SFRP1: variants seen among roughly 807,000 people sequenced by gnomAD.
SFRP1 encodes the protein secreted frizzled related protein 1.
Under a neutral mutation model 25.9 loss-of-function variants are expected in SFRP1, and 9 were observed. That is an observed-to-expected ratio of 0.35 (90% CI 0.21 to 0.61). The LOEUF (loss-of-function observed/expected upper bound fraction) is 0.61. Among genes scored for constraint, SFRP1 ranks in the 20% least tolerant of loss-of-function variants. The pLI, the probability that SFRP1 is intolerant of heterozygous loss-of-function variation, is 0.78. For missense variants in SFRP1, 346 were observed against 418.2 expected (o/e 0.83, Z 1.51); for synonymous variants, 178 against 174.0 (o/e 1.02, Z -0.18).
rs190918947 is a variant in SFRP1 at position 41,293,409 on chromosome 8, G to A, written c.622+10052C>T. On this transcript the variant is annotated intron_variant, in intron 2 of 2. Coordinates refer to ENST00000220772, the MANE Select transcript of SFRP1 (RefSeq NM_003012.5). ...GAATGCGAAGCGAGTTGTTATAACT[G>A]ACAAATGACAAACCAACATTCTCCT... is the stretch of plus-strand genomic sequence containing the variant. Among the ~76,000 whole-genome samples, 14 of 152,350 alleles carry A rather than the reference G, an allele frequency of 9.2e-5. No individual in the cohort carries two copies. The East Asian group carries it at 2.7e-3, about 29-fold the overall frequency.
intron 1 of SFRP1, among the ~76,000 whole-genome samples, chr8:41,305,268 G>A (rs1210950625): frequency 6.6e-6 from 1 of 152,194 alleles, no homozygotes; most frequent in Non-Finnish European, 1.5e-5. Flanking sequence ...AACATAAAGG[G>A]CACATCTCTG....
intron 2 of SFRP1, among the ~76,000 whole-genome samples, chr8:41,275,900 T>A (rs887544935): frequency 6.6e-6 from 1 of 152,190 alleles, no homozygotes; most frequent in African/African-American, 2.4e-5. Flanking sequence ...GCATTCAGCA[T>A]CACATTTGGC....
Position 41,265,109 on chromosome 8 carries a change from C to A in SFRP1, c.*58G>T. 1 of 716,186 alleles carries A rather than the reference C, an allele frequency of 1.4e-6. No individual in the cohort carries two copies. The highest frequency in any genetic ancestry group is 2.3e-6 in the Non-Finnish European group (1 of 427,464). The allele number at this position is 716,186 out of a possible 1,614,324, so 44.4% of individuals were successfully genotyped here. A position where few individuals can be genotyped will look rare whatever the true frequency, so the allele number is the denominator to read the frequency against. ...TGTGACCCACCGGGTTCCCGGGGCA[C>A]TGTCCCCCCCGCTCCCACCCCACCC... is the stretch of plus-strand genomic sequence containing the variant. On this transcript the variant is annotated 3_prime_UTR_variant, in exon 3 of 3. Transcript: ENST00000220772.
intron 2 of SFRP1, among the ~76,000 whole-genome samples, chr8:41,266,875 G>A (rs939892035): frequency 6.6e-6 from 1 of 152,190 alleles, no homozygotes; most frequent in Non-Finnish European, 1.5e-5. Context: ...AAAGTTAAAG[G>A]TTGTTTCAAA....
intron 2 of SFRP1, among the ~76,000 whole-genome samples, chr8:41,293,232 C>T (rs945264448): frequency 6.6e-6 from 1 of 152,206 alleles, no homozygotes; most frequent in African/African-American, 2.4e-5. Flanking sequence ...CCAACTGCTG[C>T]ACCACAAGAA....
chr8:41,305,531 T>G (rs531076161), intron 1 of SFRP1, among the ~76,000 whole-genome samples: 3 of 152,314 alleles, frequency 2.0e-5, no homozygotes, highest in South Asian at 4.2e-4. Flanking sequence ...AAGAGAAATG[T>G]GTGATGCGGT....
rs1803388051 is a variant in SFRP1, at chr8:41,262,545, T to C, written c.*2622A>G. ...ATGTTTTTGGAATCCTCACCTCCCA[T>C]GCTATCTTCTAAGATAACTACAAAT... is the stretch of plus-strand genomic sequence containing the variant. On this transcript the variant is annotated 3_prime_UTR_variant, in exon 3 of 3. Transcript: ENST00000220772. 1.3e-5 allele frequency: 2 copies of C among 152,192 alleles called. No individual in the cohort carries two copies. Among genetic ancestry groups the C allele is most frequent in the African/African-American group, 4.8e-5 (2 of 41,448 alleles). 9.4% of individuals were successfully genotyped at this position (152,192 alleles called of 1,614,324 possible). A position where few individuals can be genotyped will look rare whatever the true frequency, so the allele number is the denominator to read the frequency against.
intron 2 of SFRP1, among the ~76,000 whole-genome samples, chr8:41,268,553 C>T (rs1046394570): frequency 6.6e-6 from 1 of 152,166 alleles, no homozygotes; most frequent in Non-Finnish European, 1.5e-5. Flanking sequence ...ATGTGTTACA[C>T]ATTAGACTTT....
chr8:41,298,178 A>C (rs1202082852), intron 2 of SFRP1: 1 of 152,242 alleles, frequency 6.6e-6, no homozygotes, highest in Non-Finnish European at 1.5e-5. Flanking sequence ...TCAGTAGCAC[A>C]CATGGTAAAA....
chr8:41,273,288 G>A (rs536386789), intron 2 of SFRP1, among the ~76,000 whole-genome samples: 7 of 152,170 alleles, frequency 4.6e-5, no homozygotes, highest in East Asian at 1.9e-4. Context: ...TCAGGAGTTC[G>A]AGACCAGCCT....
chr8:41,274,061 C>T (rs1447709088), intron 2 of SFRP1, among the ~76,000 whole-genome samples: 2 of 152,192 alleles, frequency 1.3e-5, no homozygotes, highest in Non-Finnish European at 2.9e-5. Context: ...CCAGTGGCCT[C>T]CTGGGGGCTT....
intron 2 of SFRP1, 36 bp downstream of exon 2, chr8:41,303,425 C>T (rs747342843): frequency 6.4e-7 from 1 of 1,550,964 alleles, no homozygotes; most frequent in Admixed American, 1.7e-5. Flanking sequence ...CAGGAGGTTC[C>T]AAACCTTCCA....
chr8:41,301,700 C>T (rs935490381), intron 2 of SFRP1, among the ~76,000 whole-genome samples: 1 of 152,220 alleles, frequency 6.6e-6, no homozygotes, highest in Non-Finnish European at 1.5e-5. Flanking sequence ...ATAAGATGAC[C>T]TCTGAGGTCC....
At chr8:41,265,661 G>A (rs993889471) in intron 2 of SFRP1, among the ~76,000 whole-genome samples, 172 bp from the exon 3 acceptor site, 3 of 152,116 alleles carry the variant, frequency 2.0e-5, no homozygotes, top group African/African-American at 7.2e-5. Context: ...GGGCACAGGT[G>A]CAGAGTTGGT....
intron 2 of SFRP1, among the ~76,000 whole-genome samples, chr8:41,287,819 G>A (rs1168969812): frequency 6.6e-6 from 1 of 152,198 alleles, no homozygotes; most frequent in Non-Finnish European, 1.5e-5. Flanking sequence ...AATGCTTTGA[G>A]GGAAGGGACC....
chr8:41,269,404 G>C (rs1289910864), intron 2 of SFRP1, among the ~76,000 whole-genome samples: 3 of 152,160 alleles, frequency 2.0e-5, no homozygotes, highest in Admixed American at 2.0e-4. Flanking sequence ...ACAAGGGCCT[G>C]CCTGGGTCTT....
chr8:41,273,089 C>T (rs1803531127), intron 2 of SFRP1, among the ~76,000 whole-genome samples: 1 of 152,182 alleles, frequency 6.6e-6, no homozygotes, highest in African/African-American at 2.4e-5. Context: ...AGAATGAAAA[C>T]ATCTTCAGGC....
intron 2 of SFRP1, among the ~76,000 whole-genome samples, chr8:41,278,632 G>C (rs1225267986): frequency 6.6e-6 from 1 of 152,190 alleles, no homozygotes; most frequent in Non-Finnish European, 1.5e-5. Context: ...ACCCCCAGGG[G>C]CCTTGCTTGC....
chr8:41,275,495 G>T (rs1803560766), intron 2 of SFRP1, among the ~76,000 whole-genome samples: 1 of 149,218 alleles, frequency 6.7e-6, no homozygotes. Context: ...CAGTGAGACT[G>T]GCAAACTCTT....
Sources: allele counts gnomAD v4.1 joint callset (sites outside exome capture counted in the v4.1 genomes callset), GRCh38; gene constraint gnomAD v4.1.1; transcripts MANE v1.5; gene names NCBI Gene and HGNC (gene_info 2026-07-23, HGNC 2026-07-21).